HK1: variants seen among roughly 807,000 people sequenced by gnomAD.
HK1 encodes hexokinase-1.
HK1 carries 28 observed loss-of-function variants against 91.6 expected under a neutral mutation model. That is an observed-to-expected ratio of 0.31 (90% CI 0.23 to 0.42). The LOEUF is 0.42. Among genes scored for constraint, HK1 ranks in the 10% least tolerant of loss-of-function variants. The probability of loss-of-function intolerance (pLI) is 1.00; values close to 1 mark genes in which losing one functional copy is unlikely to be tolerated. For synonymous variants in HK1, 430 were observed against 468.1 expected (o/e 0.92, Z 1.05); for missense variants, 770 against 1,219.8 (o/e 0.63, Z 5.49).
chr10:69,334,631 G>A (rs191532275), intron 1 of HK1, among the ~76,000 whole-genome samples: 1 of 152,098 alleles, frequency 6.6e-6, no homozygotes, highest in South Asian at 2.1e-4. Context: ...GAGGCCTCCC[G>A]CCCAGCACAG....
intron 1 of HK1, among the ~76,000 whole-genome samples, chr10:69,340,260 T>G (rs1290401669): frequency 6.6e-6 from 1 of 152,172 alleles, no homozygotes; most frequent in African/African-American, 2.4e-5. Context: ...TAAAAAAAAT[T>G]TTTTGAGATG....
intron 1 of HK1, among the ~76,000 whole-genome samples, chr10:69,329,169 C>CTTCTTCTTCT (rs755280680): frequency 5.5e-5 from 8 of 144,366 alleles, no homozygotes; most frequent in African/African-American, 2.0e-4. Flanking sequence ...CTTTCTTCTT[C>CTTCTTCTTCT]TTTTTTTTTT....
chr10:69,276,118 A>AAAAAAATATATATAT lies in HK1; in HGVS notation c.-391+6011_-391+6012insAAAAATATATATATA. On this transcript the variant is annotated intron_variant, in intron 1 of 21. Coordinates refer to the HK1 transcript ENST00000360289. ...AAAAAAAAAAAAAAAAAAAAAAAAA[A>AAAAAAATATATATAT]ATACATATATATATATATATACACA... Among the ~76,000 whole-genome samples, 34 of 38,266 alleles carry AAAAAAATATATATAT rather than the reference A, an allele frequency of 8.9e-4. 5 individuals carry two copies. The highest frequency in any genetic ancestry group is 4.3e-3 in the East Asian group (3 of 696). The allele number at this position is 38,266 out of a possible 152,430, so 25.1% of individuals were successfully genotyped here.
At chr10:69,283,124 CAAAA>C (rs34547808) in intron 2 of HK1, among the ~76,000 whole-genome samples, 3 of 60,814 alleles carry the variant, frequency 4.9e-5, no homozygotes, top group Non-Finnish European at 8.7e-5. Context: ...AACTCAGTTT[CAAAA>C]AAAAAAAAAA....
intron 3 of HK1, among the ~76,000 whole-genome samples, chr10:69,289,767 C>T (rs978506842): frequency 7.8e-6 from 1 of 128,042 alleles, no homozygotes; most frequent in Admixed American, 9.1e-5. Context: ...CTACTGCACC[C>T]GGCCAATTTT....
chr10:69,281,380 G>C (rs1388078378), intron 1 of HK1, among the ~76,000 whole-genome samples: 2 of 152,194 alleles, frequency 1.3e-5, no homozygotes, highest in Non-Finnish European at 2.9e-5. Flanking sequence ...CCCAAATGCA[G>C]AGGGGGCAGA....
chr10:69,321,476 C>T (rs1346732286), intron 1 of HK1, among the ~76,000 whole-genome samples: 2 of 152,198 alleles, frequency 1.3e-5, no homozygotes, highest in African/African-American at 4.8e-5. Context: ...CCAGCAGGGA[C>T]CTGCTGAGGA....
At chr10:69,373,687 C>T (rs1353183365) in intron 7 of HK1, among the ~76,000 whole-genome samples, 1 of 151,496 alleles carries the variant, frequency 6.6e-6, no homozygotes, top group African/African-American at 2.4e-5. Flanking sequence ...AACTCCCAGG[C>T]TTAGGTGATC....
At chr10:69,291,581 C>A (rs553303517) in intron 3 of HK1, among the ~76,000 whole-genome samples, 1 of 152,282 alleles carries the variant, frequency 6.6e-6, no homozygotes, top group Non-Finnish European at 1.5e-5. Context: ...CTGGTCCTGG[C>A]AGATCCAGGA....
At chr10:69,346,499 T>A (rs754014881) in intron 2 of HK1, among the ~76,000 whole-genome samples, 1 of 152,114 alleles carries the variant, frequency 6.6e-6, no homozygotes, top group African/African-American at 2.4e-5. Context: ...AGTTTCTTTC[T>A]TTTTTGGTCA....
chr10:69,351,117 G>A (rs895875121), intron 2 of HK1, among the ~76,000 whole-genome samples: 1 of 151,724 alleles, frequency 6.6e-6, no homozygotes, highest in Non-Finnish European at 1.5e-5. Flanking sequence ...GGAGCTTGCA[G>A]TGAGCCAAGA....
chr10:69,332,843 T>C (rs2132635234), intron 1 of HK1, among the ~76,000 whole-genome samples: 1 of 152,166 alleles, frequency 6.6e-6, no homozygotes, highest in East Asian at 1.9e-4. Flanking sequence ...GTAGACACCT[T>C]GAGTAGCCAA....
chr10:69,272,631 T>A (rs1260518266), intron 1 of HK1, among the ~76,000 whole-genome samples: 1 of 146,802 alleles, frequency 6.8e-6, no homozygotes, highest in African/African-American at 2.5e-5. Flanking sequence ...TCAGTTATAA[T>A]TCTTATTACT....
Position 69,358,973 on chromosome 10 carries a change from A to G in HK1, c.227-924A>G, listed in dbSNP as rs895692013. 3.3e-5 allele frequency among the ~76,000 whole-genome samples: 5 copies of G among 152,058 alleles called. No individual in the cohort carries two copies. The South Asian group carries it at 8.3e-4, about 25-fold the overall frequency. On this transcript the variant is annotated intron_variant, in intron 2 of 17. Transcript: ENST00000359426. ...TGAAGTGAGAGGATCTTGGGAGCCC[A>G]GGAGCTTGAGACTGCAGTGAGCTTT... is the stretch of plus-strand genomic sequence containing the variant.
intron 3 of HK1, among the ~76,000 whole-genome samples, chr10:69,361,378 C>A (rs1267962316): frequency 1.3e-5 from 2 of 152,244 alleles, no homozygotes; most frequent in African/African-American, 4.8e-5. Flanking sequence ...CTTGACCATG[C>A]CCAGTTGGCT....
chr10:69,280,976 T>C (rs570561172), intron 1 of HK1, among the ~76,000 whole-genome samples: 8 of 152,334 alleles, frequency 5.3e-5, no homozygotes, highest in African/African-American at 1.9e-4. Flanking sequence ...CTCCACTTTA[T>C]CAAACAACCT....
At chr10:69,373,089 G>A (rs1287750823) in intron 7 of HK1, among the ~76,000 whole-genome samples, 6 of 152,076 alleles carry the variant, frequency 3.9e-5, no homozygotes, top group African/African-American at 1.4e-4. Flanking sequence ...GGCTGGTCTC[G>A]AACTCCTGAC....
intron 3 of HK1, among the ~76,000 whole-genome samples, chr10:69,295,050 T>C (rs2132477289): frequency 7.1e-6 from 1 of 140,698 alleles, no homozygotes; most frequent in African/African-American, 2.6e-5. Flanking sequence ...AGAGACCCTG[T>C]CTCAAAAAAA....
rs112700348 is a variant in HK1 at position 69,393,091 on chromosome 10, C to T, written c.2219+783C>T. Among the ~76,000 whole-genome samples, 988 of 152,326 alleles carry T rather than the reference C, an allele frequency of 6.5e-3. 14 individuals are homozygous for T. The highest frequency in any genetic ancestry group is 0.023 in the African/African-American group (945 of 41,572). On this transcript the variant is annotated intron_variant, in intron 15 of 17. Transcript: ENST00000359426. ...CCACCTCCCGGGTTCAAGCAGTTCTCCTGCCTCAGCCTCCCCAGTAGCTGG... is the reference window on the plus strand; with the variant it reads ...CCACCTCCCGGGTTCAAGCAGTTCTTCTGCCTCAGCCTCCCCAGTAGCTGG...
Sources: allele counts gnomAD v4.1 joint callset (sites outside exome capture counted in the v4.1 genomes callset), GRCh38; gene constraint gnomAD v4.1.1; transcripts MANE v1.5; gene names NCBI Gene and HGNC (gene_info 2026-07-23, HGNC 2026-07-21).